ADK: variants seen among roughly 807,000 people sequenced by gnomAD.
ADK encodes N6,N6-dimethyladenosine kinase.
ADK carries 24 observed loss-of-function variants against 44.7 expected under a neutral mutation model. That is an observed-to-expected ratio of 0.54 (90% CI 0.39 to 0.76). The LOEUF (loss-of-function observed/expected upper bound fraction) is 0.76. Ranked by LOEUF, ADK falls within the 30% of genes least tolerant of loss-of-function variation. The probability of loss-of-function intolerance (pLI) is 0.00; values close to 1 mark genes in which losing one functional copy is unlikely to be tolerated. For synonymous variants in ADK, 128 were observed against 142.6 expected, an observed-to-expected ratio of 0.90 and a Z score of 0.73; for missense variants, 321 against 425.1, an observed-to-expected ratio of 0.76 and a Z score of 2.15.
At chr10:74,555,133 C>CA (rs112366228) in intron 7 of ADK, among the ~76,000 whole-genome samples, 3,769 of 151,796 alleles carry the variant, frequency 0.025, 139 homozygotes, top group African/African-American at 0.074. Context: ...CCCGTCTCTA[C>CA]AAAAAAAAGA....
At chr10:74,565,837 A>G (rs1428646304) in intron 7 of ADK, among the ~76,000 whole-genome samples, 1 of 152,166 alleles carries the variant, frequency 6.6e-6, no homozygotes, top group Non-Finnish European at 1.5e-5. Flanking sequence ...GATTAAAATT[A>G]AGATGGAATA....
intron 6 of ADK, among the ~76,000 whole-genome samples, chr10:74,417,418 G>A (rs1196387883): frequency 6.6e-6 from 1 of 152,088 alleles, no homozygotes; most frequent in African/African-American, 2.4e-5. Context: ...GTACACTGTA[G>A]TGTTTTCACA....
rs116920765 is a variant in ADK, at chr10:74,254,206, A to G, written c.194+29615A>G. Among the ~76,000 whole-genome samples the G allele has an allele frequency of 2.1e-3, 327 of 152,328 alleles. 4 individuals are homozygous for G. Among genetic ancestry groups the G allele is most frequent in the East Asian group, 5.6e-3 (29 of 5,192 alleles). ...AGAAATGTAAGAAAATAAGAGCATTATAGAGATAGATTAGGCAATTAATAA... is the reference window on the plus strand; with the variant it reads ...AGAAATGTAAGAAAATAAGAGCATTGTAGAGATAGATTAGGCAATTAATAA... On this transcript the variant is annotated intron_variant, in intron 3 of 10. Coordinates refer to ENST00000539909, the MANE Select transcript of ADK (RefSeq NM_006721.4).
intron 1 of ADK, among the ~76,000 whole-genome samples, chr10:74,168,716 G>C (rs1012666210): frequency 2.0e-5 from 3 of 151,048 alleles, no homozygotes; most frequent in African/African-American, 2.4e-5. Context: ...GGGTTCAAGC[G>C]ATTCTCCTGC....
chr10:74,318,927 G>A (rs1320469931), intron 4 of ADK, among the ~76,000 whole-genome samples: 1 of 152,144 alleles, frequency 6.6e-6, no homozygotes, highest in Non-Finnish European at 1.5e-5. Flanking sequence ...TAATGTCATT[G>A]CACTGGACTG....
At chr10:74,462,634 C>G (rs1223583120) in intron 6 of ADK, among the ~76,000 whole-genome samples, 1 of 152,116 alleles carries the variant, frequency 6.6e-6, no homozygotes, top group Non-Finnish European at 1.5e-5. Context: ...AATGAAAGAA[C>G]AAGATAGTCT....
intron 1 of ADK, among the ~76,000 whole-genome samples, chr10:74,157,167 G>C (rs750939796): frequency 1.3e-5 from 2 of 152,212 alleles, no homozygotes; most frequent in South Asian, 2.1e-4. Flanking sequence ...CTATCAGCTA[G>C]TACAAGAGCA....
chr10:74,334,878 A>G (rs1263876986), intron 4 of ADK, among the ~76,000 whole-genome samples: 1 of 152,174 alleles, frequency 6.6e-6, no homozygotes, highest in Admixed American at 6.5e-5. Flanking sequence ...TTCCTAGCCT[A>G]GGTGCCTTCA....
At chr10:74,410,484 G>T (rs1844131807) in intron 6 of ADK, among the ~76,000 whole-genome samples, 1 of 151,984 alleles carries the variant, frequency 6.6e-6, no homozygotes, top group Admixed American at 6.6e-5. Context: ...GACCAGCCTG[G>T]CCAAAATTTT....
chr10:74,361,665 A>C (rs1338832619), intron 4 of ADK, among the ~76,000 whole-genome samples: 1 of 152,248 alleles, frequency 6.6e-6, no homozygotes, highest in Non-Finnish European at 1.5e-5. Context: ...TAAACACTGC[A>C]AATACAATAT....
At chr10:74,633,956 G>A (rs1853529162) in intron 9 of ADK, among the ~76,000 whole-genome samples, 1 of 152,132 alleles carries the variant, frequency 6.6e-6, no homozygotes, top group South Asian at 2.1e-4. Flanking sequence ...CCATACAGAG[G>A]TAGCCCTAAA....
intron 3 of ADK, among the ~76,000 whole-genome samples, chr10:74,276,676 C>T (rs921420608): frequency 5.9e-5 from 9 of 152,024 alleles, no homozygotes; most frequent in Non-Finnish European, 1.3e-4. Flanking sequence ...TGGTTGTTAG[C>T]TGAATTCAGT....
intron 4 of ADK, among the ~76,000 whole-genome samples, chr10:74,356,051 G>A (rs940273434): frequency 6.2e-5 from 7 of 113,680 alleles, no homozygotes; most frequent in Non-Finnish European, 8.2e-5. Context: ...TCGCTCTGTC[G>A]CCCAGGCCGG....
chr10:74,406,562 GAAGAA>G (rs1843941556), intron 6 of ADK, among the ~76,000 whole-genome samples: 1 of 145,294 alleles, frequency 6.9e-6, no homozygotes, highest in Non-Finnish European at 1.5e-5. Flanking sequence ...AGAAGAAGAA[GAAGAA>G]GCCACTTGTA....
At chr10:74,269,858 C>T (rs568172846) in intron 3 of ADK, among the ~76,000 whole-genome samples, 8 of 152,142 alleles carry the variant, frequency 5.3e-5, no homozygotes, top group Non-Finnish European at 8.8e-5. Flanking sequence ...ATTAGCTGGG[C>T]GTGGTGGCAC....
At chr10:74,231,235 G>A (rs1449255068) in intron 3 of ADK, among the ~76,000 whole-genome samples, 1 of 152,304 alleles carries the variant, frequency 6.6e-6, no homozygotes, top group East Asian at 1.9e-4. Context: ...GCTCTTAGGT[G>A]TGCTCATGAA....
At chr10:74,569,876 A>G (rs951360301) in intron 7 of ADK, among the ~76,000 whole-genome samples, 1 of 152,132 alleles carries the variant, frequency 6.6e-6, no homozygotes, top group African/African-American at 2.4e-5. Context: ...GGTATTGCCT[A>G]GGTTTTCTTC....
At chr10:74,504,528 T>C (rs1343813696) in intron 6 of ADK, among the ~76,000 whole-genome samples, 2 of 152,184 alleles carry the variant, frequency 1.3e-5, no homozygotes, top group African/African-American at 4.8e-5. Flanking sequence ...TTGTATATTA[T>C]ATGTATTATA....
chr10:74,408,594 T>TA (rs2132934317), intron 6 of ADK, among the ~76,000 whole-genome samples: 1 of 152,284 alleles, frequency 6.6e-6, no homozygotes, highest in African/African-American at 2.4e-5. Context: ...AAAATCCACA[T>TA]ACAATGTTTA....
Sources: gnomAD v4.1 joint callset for allele counts (sites outside exome capture counted in the v4.1 genomes callset) on GRCh38, gnomAD v4.1.1 for gene constraint, MANE v1.5 for transcripts, NCBI Gene and HGNC (gene_info 2026-07-23, HGNC 2026-07-21) for gene names.